KLF12: variants seen among roughly 807,000 people sequenced by gnomAD.
The protein encoded by KLF12 is Krueppel-like factor 12.
A neutral mutation model predicts 37.8 loss-of-function variants in KLF12; 9 were observed. The observed-to-expected ratio is 0.24, with a 90% CI of 0.14 to 0.42. KLF12 has a LOEUF of 0.42. KLF12 is among the 10% of genes least tolerant of loss of function. The pLI, the probability that KLF12 is intolerant of heterozygous loss-of-function variation, is 1.00. For missense variants in KLF12, 411 were observed against 516.0 expected (o/e 0.80, Z 1.97); for synonymous variants, 208 against 202.1 (o/e 1.03, Z -0.25).
At chr13:73,853,386 G>A (rs1215850857) in intron 3 of KLF12, among the ~76,000 whole-genome samples, 1 of 152,196 alleles carries the variant, frequency 6.6e-6, no homozygotes, top group Non-Finnish European at 1.5e-5. Context: ...CCATGTGTGT[G>A]ATGACTTTAG....
intron 1 of KLF12, among the ~76,000 whole-genome samples, chr13:74,009,108 G>A (rs912919201): frequency 6.6e-6 from 1 of 152,182 alleles, no homozygotes; most frequent in Non-Finnish European, 1.5e-5. Flanking sequence ...GAGTAGAGAG[G>A]ATTTCTTTTC....
intron 3 of KLF12, among the ~76,000 whole-genome samples, chr13:73,861,689 AT>A (rs1204718939): frequency 6.6e-6 from 1 of 152,064 alleles, no homozygotes; most frequent in Non-Finnish European, 1.5e-5. Context: ...AATTTGTGGA[AT>A]TATTCCGTTT....
chr13:73,816,675 A>T (rs1304114768), intron 4 of KLF12, among the ~76,000 whole-genome samples: 3 of 152,136 alleles, frequency 2.0e-5, no homozygotes, highest in African/African-American at 7.2e-5. Flanking sequence ...CTCAACAATG[A>T]CTCTGGGCTT....
At chr13:74,152,165 A>G in the KLF12 span, among the ~76,000 whole-genome samples, 190 of 152,354 alleles carry the variant, frequency 1.2e-3, no homozygotes, top group African/African-American at 4.5e-3. Context: ...GAGACCACCC[A>G]ACACATTTGC....
At chr13:74,296,241 T>C in the KLF12 span, among the ~76,000 whole-genome samples, 3 of 152,120 alleles carry the variant, frequency 2.0e-5, no homozygotes, top group Non-Finnish European at 2.9e-5. Context: ...ATAATACTTA[T>C]TTCACAGATT....
intron 3 of KLF12, among the ~76,000 whole-genome samples, chr13:73,862,916 T>C (rs1174625479): frequency 6.6e-6 from 1 of 152,194 alleles, no homozygotes; most frequent in African/African-American, 2.4e-5. Flanking sequence ...AAACTCACAT[T>C]ATATGATTCA....
At chr13:73,924,441 C>A (rs1889279650) in intron 3 of KLF12, among the ~76,000 whole-genome samples, 1 of 152,124 alleles carries the variant, frequency 6.6e-6, no homozygotes, top group Non-Finnish European at 1.5e-5. Flanking sequence ...GAGTTGTGAT[C>A]AGTGATCTTT....
At chr13:73,741,530 A>G (rs183265600) in intron 6 of KLF12, among the ~76,000 whole-genome samples, 4 of 152,336 alleles carry the variant, frequency 2.6e-5, no homozygotes, top group Admixed American at 2.6e-4. Flanking sequence ...TCTTAGGCCA[A>G]TAACACATTC....
At chr13:74,224,101 T>A in the KLF12 span, among the ~76,000 whole-genome samples, 1 of 152,178 alleles carries the variant, frequency 6.6e-6, no homozygotes, top group Admixed American at 6.5e-5. Context: ...AGTTAGAGAA[T>A]CCTTCATAAG....
In KLF12 at chr13:73,711,612, C is replaced by T. The variant is rs528546589; in HGVS notation, c.1027+3756G>A. Among the ~76,000 whole-genome samples, 288 of 152,238 alleles carry T rather than the reference C, an allele frequency of 1.9e-3. 6 individuals carry two copies. Among genetic ancestry groups the T allele is most frequent in the Middle Eastern group, 0.01 (3 of 294 alleles). On this transcript the variant is annotated intron_variant, in intron 7 of 7. Coordinates refer to ENST00000377669, the MANE Select transcript of KLF12 (RefSeq NM_007249.5). The stretch of plus-strand genomic sequence containing the variant: ...TTAAGCCCACTGTTGAGGCCTACTG[C>T]TCAGAAAAAAAGATTCCTTGAGAAA...
chr13:73,855,756 T>C lies in KLF12; in HGVS notation c.124-9383A>G, dbSNP rs760425306. Among the ~76,000 whole-genome samples the C allele has an allele frequency of 7.9e-5, 12 of 152,204 alleles. 1 individual carries two copies. Among genetic ancestry groups the C allele is most frequent in the Non-Finnish European group, 1.0e-4 (7 of 68,040 alleles). ...TCTCTGGGGGTCCCTCCAAAATATG[T>C]TACTTTTGTTTACTTAACAAAAGCC... On this transcript the variant is annotated intron_variant, in intron 3 of 7. Coordinates refer to ENST00000377669, the MANE Select transcript of KLF12 (RefSeq NM_007249.5).
the KLF12 span, among the ~76,000 whole-genome samples, chr13:74,156,856 G>A: frequency 6.6e-6 from 1 of 151,916 alleles, no homozygotes. Context: ...TATGTACCAC[G>A]TTTTCTTTAT....
chr13:73,794,881 A>G (rs962364403), intron 5 of KLF12, among the ~76,000 whole-genome samples: 118 of 152,342 alleles, frequency 7.7e-4, no homozygotes, highest in African/African-American at 2.5e-3. Context: ...ACATTAACAA[A>G]TGGATCAGAT....
intron 1 of KLF12, among the ~76,000 whole-genome samples, chr13:74,120,378 C>A (rs1237448701): frequency 1.3e-5 from 2 of 151,976 alleles, no homozygotes; most frequent in African/African-American, 4.8e-5. Flanking sequence ...TACTCAGGAG[C>A]GTGAGCCATG....
chr13:74,242,478 G>T, the KLF12 span, among the ~76,000 whole-genome samples: 1 of 152,160 alleles, frequency 6.6e-6, no homozygotes, highest in Non-Finnish European at 1.5e-5. Context: ...CACAAGAATA[G>T]TATGTGGGAA....
At chr13:74,035,388 T>C (rs956820139) in intron 1 of KLF12, among the ~76,000 whole-genome samples, 8 of 152,234 alleles carry the variant, frequency 5.3e-5, no homozygotes, top group Non-Finnish European at 1.2e-4. Context: ...GTTGACTCAA[T>C]TTATATTAAT....
chr13:74,160,838 G>A, the KLF12 span, among the ~76,000 whole-genome samples: 1 of 152,112 alleles, frequency 6.6e-6, no homozygotes, highest in Admixed American at 6.5e-5. Context: ...TGAAGTGCAA[G>A]TACACAAGGC....
At chr13:73,809,347 A>G (rs73216745) in intron 5 of KLF12, among the ~76,000 whole-genome samples, 50,837 of 151,712 alleles carry the variant, frequency 0.34, 8,868 homozygotes, top group East Asian at 0.64. Context: ...AGTTTACAGA[A>G]GTCATCAAGA....
chr13:73,791,953 A>C (rs761943439), intron 5 of KLF12, among the ~76,000 whole-genome samples: 1 of 152,216 alleles, frequency 6.6e-6, no homozygotes, highest in Non-Finnish European at 1.5e-5. Context: ...TAAACATGGC[A>C]AAACCACTGA....
Sources: allele counts gnomAD v4.1 joint callset (sites outside exome capture counted in the v4.1 genomes callset), GRCh38; gene constraint gnomAD v4.1.1; transcripts MANE v1.5; gene names NCBI Gene and HGNC (gene_info 2026-07-23, HGNC 2026-07-21).